The following COMMD1 variants were observed in gnomAD, a reference collection of about 807,000 sequenced individuals.
COMMD1 encodes the protein copper metabolism domain containing 1.
Under a neutral mutation model 17.2 loss-of-function variants are expected in COMMD1, and 10 were observed. That is an observed-to-expected ratio of 0.58 (90% CI 0.36 to 0.99). The LOEUF is 0.99. Among genes scored for constraint, COMMD1 ranks in the 50% least tolerant of loss-of-function variants. The pLI, the probability that COMMD1 is intolerant of heterozygous loss-of-function variation, is 0.01. For missense variants in COMMD1, 270 were observed against 231.8 expected, an observed-to-expected ratio of 1.17 and a Z score of -1.07; for synonymous variants, 97 against 91.6, an observed-to-expected ratio of 1.06 and a Z score of -0.34.
At chr2:62,024,870 A>G (rs1297154500) in intron 2 of COMMD1, among the ~76,000 whole-genome samples, 1 of 152,234 alleles carries the variant, frequency 6.6e-6, no homozygotes, top group African/African-American at 2.4e-5. Flanking sequence ...TAATGCTATT[A>G]TAAGTTCTGT....
chr2:62,027,687 T>G (rs920099678), intron 2 of COMMD1, among the ~76,000 whole-genome samples: 1 of 152,104 alleles, frequency 6.6e-6, no homozygotes, highest in African/African-American at 2.4e-5. Context: ...TTATGTTATT[T>G]TTTTGAGACA....
intron 2 of COMMD1, among the ~76,000 whole-genome samples, chr2:62,125,495 A>G (rs911641591): frequency 2.0e-5 from 3 of 152,110 alleles, no homozygotes; most frequent in Admixed American, 6.5e-5. Context: ...ATGCTCTCTG[A>G]ACATAGTAGA....
intron 2 of COMMD1, among the ~76,000 whole-genome samples, chr2:62,046,733 C>G (rs1670394915): frequency 6.6e-6 from 1 of 152,176 alleles, no homozygotes; most frequent in South Asian, 2.1e-4. Context: ...AGAACAGATG[C>G]ATTTCTTTTT....
intron 2 of COMMD1, among the ~76,000 whole-genome samples, chr2:62,023,289 GTGGAAAA>G (rs1442517037): frequency 6.6e-6 from 1 of 151,194 alleles, no homozygotes; most frequent in African/African-American, 2.4e-5. Flanking sequence ...CCCCTGAGGA[GTGGAAAA>G]TGGAAAATGG....
At chr2:62,013,091 G>T (rs560266826) in intron 2 of COMMD1, among the ~76,000 whole-genome samples, 1 of 152,102 alleles carries the variant, frequency 6.6e-6, no homozygotes, top group Non-Finnish European at 1.5e-5. Context: ...TAATAGGATT[G>T]CCTTGATTCA....
chr2:62,012,976 G>A (rs903702053), intron 2 of COMMD1, among the ~76,000 whole-genome samples: 1 of 152,178 alleles, frequency 6.6e-6, no homozygotes, highest in African/African-American at 2.4e-5. Flanking sequence ...AATACAGGCA[G>A]AGGGAGCAAC....
chr2:62,104,916 A>G lies in COMMD1; in HGVS notation c.463-30915A>G, dbSNP rs567230593. ...CGAGGTGGGTGGATCACCCGAGGTC[A>G]GGAGTTTGAGACCAGCCTGGCCAAC... is the stretch of plus-strand genomic sequence containing the variant. On this transcript the variant is annotated intron_variant, in intron 2 of 2. Coordinates refer to ENST00000311832, the MANE Select transcript of COMMD1 (RefSeq NM_152516.4). 4.6e-5 allele frequency among the ~76,000 whole-genome samples: 7 copies of G among 152,194 alleles called. No individual in the cohort carries two copies. In the East Asian group the frequency reaches 1.2e-3, roughly 25 times the overall value.
intron 2 of COMMD1, among the ~76,000 whole-genome samples, chr2:62,103,048 C>T (rs939452012): frequency 2.0e-5 from 3 of 151,436 alleles, no homozygotes; most frequent in East Asian, 3.9e-4. Flanking sequence ...GCGCGATCTC[C>T]GCTCACTGCA....
At chr2:61,947,740 G>A (rs1293291868) in intron 1 of COMMD1, among the ~76,000 whole-genome samples, 1 of 140,304 alleles carries the variant, frequency 7.1e-6, no homozygotes, top group Non-Finnish European at 1.5e-5. Flanking sequence ...TTTTGGAGAA[G>A]TGGGGTACTG....
chr2:62,071,474 C>G (rs1198451580), intron 2 of COMMD1, among the ~76,000 whole-genome samples: 1 of 152,032 alleles, frequency 6.6e-6, no homozygotes, highest in Non-Finnish European at 1.5e-5. Context: ...CTAACAATGC[C>G]TTAACTTCCT....
At chr2:61,996,077 C>G (rs1322834550) in intron 1 of COMMD1, among the ~76,000 whole-genome samples, 1 of 151,998 alleles carries the variant, frequency 6.6e-6, no homozygotes, top group Non-Finnish European at 1.5e-5. Flanking sequence ...TTAAGGGATA[C>G]TTTATTACTA....
intron 2 of COMMD1, among the ~76,000 whole-genome samples, chr2:62,099,115 G>A (rs1672101759): frequency 6.6e-6 from 1 of 152,182 alleles, no homozygotes; most frequent in Non-Finnish European, 1.5e-5. Flanking sequence ...GGGAGTAGGG[G>A]AGGGAGAAGG....
chr2:61,935,367 G>A (rs539271010), intron 1 of COMMD1, among the ~76,000 whole-genome samples: 7 of 152,250 alleles, frequency 4.6e-5, no homozygotes, highest in African/African-American at 1.7e-4. Flanking sequence ...GGTGGCTAAC[G>A]CCTGTAATCC....
chr2:61,899,817 G>A (rs1340988026), intron 1 of COMMD1, among the ~76,000 whole-genome samples: 1 of 152,046 alleles, frequency 6.6e-6, no homozygotes, highest in African/African-American at 2.4e-5. Context: ...GACTACAGAC[G>A]TGTGCCACCC....
Position 62,099,981 on chromosome 2 carries a change from C to T in COMMD1, c.463-35850C>T, listed in dbSNP as rs145650584. On this transcript the variant is annotated intron_variant, in intron 2 of 2. Transcript: ENST00000311832. ...TGAAAAATAATAGTTCAGTTCCTCA[C>T]GCAAAGTGCACACAGACAAGCCAAT... Among the ~76,000 whole-genome samples the T allele has an allele frequency of 5.9e-3, 905 of 152,122 alleles. 16 individuals carry two copies. Among genetic ancestry groups the T allele is most frequent in the African/African-American group, 0.02 (849 of 41,466 alleles).
chr2:62,008,753 T>A (rs1480105624), intron 2 of COMMD1, among the ~76,000 whole-genome samples: 1 of 151,948 alleles, frequency 6.6e-6, no homozygotes, highest in Non-Finnish European at 1.5e-5. Flanking sequence ...GATACTTAAA[T>A]CATTTTAGAA....
intron 2 of COMMD1, among the ~76,000 whole-genome samples, chr2:62,099,771 C>T (rs750304897): frequency 3.3e-5 from 5 of 151,972 alleles, no homozygotes; most frequent in South Asian, 2.1e-4. Context: ...CCCTTATATG[C>T]GTTTCCTGGA....
At chr2:61,976,581 C>T (rs1671808751) in intron 1 of COMMD1, among the ~76,000 whole-genome samples, 1 of 152,192 alleles carries the variant, frequency 6.6e-6, no homozygotes. Flanking sequence ...GTCTTCAGCA[C>T]TCCTATCAGT....
At chr2:62,019,930 C>T (rs1669566693) in intron 2 of COMMD1, among the ~76,000 whole-genome samples, 1 of 152,312 alleles carries the variant, frequency 6.6e-6, no homozygotes, top group African/African-American at 2.4e-5. Flanking sequence ...TTCTAAATCT[C>T]TACAATACAC....
Sources: gnomAD v4.1 joint callset for allele counts (sites outside exome capture counted in the v4.1 genomes callset) on GRCh38, gnomAD v4.1.1 for gene constraint, MANE v1.5 for transcripts, NCBI Gene and HGNC (gene_info 2026-07-23, HGNC 2026-07-21) for gene names.